KIAA0753: variants seen among roughly 807,000 people sequenced by gnomAD.
The protein encoded by KIAA0753 is protein moonraker.
Under a neutral mutation model 116.9 loss-of-function variants are expected in KIAA0753, and 114 were observed. The observed-to-expected ratio is 0.98, with a 90% confidence interval of 0.84 to 1.14. KIAA0753 has a LOEUF of 1.14. Ranked by LOEUF, KIAA0753 falls within the 50% of genes most tolerant of loss-of-function variation. The probability of loss-of-function intolerance (pLI) is 0.00; values close to 1 mark genes in which losing one functional copy is unlikely to be tolerated. For synonymous variants in KIAA0753, 405 were observed against 413.1 expected (o/e 0.98, Z 0.24); for missense variants, 1,156 against 1,172.4 (o/e 0.99, Z 0.20).
chr17:6,634,817 G>A, intron 2 of KIAA0753, 194 bp downstream of exon 2: 1 of 537,480 alleles, frequency 1.9e-6, no homozygotes, highest in South Asian at 2.3e-5. Flanking sequence ...GAAGTATCAG[G>A]TTGACTGCAA....
rs1354454095 is a variant in KIAA0753 at position 6,591,067 on chromosome 17, A to G, written c.2441-437T>C. Among the ~76,000 whole-genome samples the G allele has an allele frequency of 3.3e-3, 210 of 63,060 alleles. 9 individuals carry two copies. Among genetic ancestry groups the G allele is most frequent in the African/African-American group, 0.011 (205 of 17,942 alleles). 41.4% of individuals were successfully genotyped at this position (63,060 alleles called of 152,430 possible). A position where few individuals can be genotyped will look rare whatever the true frequency, so the allele number is the denominator to read the frequency against. On this transcript the variant is annotated intron_variant, in intron 16 of 18. Transcript: ENST00000361413. The stretch of plus-strand genomic sequence containing the variant: ...AAGAAGAAGAAGAAGAAGAAGAAGA[A>G]GAAGAAGAAGAAGAAGAAGAAGAAG...
At position 6,639,355 on chromosome 17, in the gene KIAA0753, G is replaced by C. The variant is rs1000788226; in HGVS notation, c.-69+1282C>G. The C allele has an allele frequency of 6.5e-6, 1 of 152,806 alleles. No individual in the cohort carries two copies. The highest frequency in any genetic ancestry group is 1.5e-5 in the Non-Finnish European group (1 of 68,634). 9.5% of individuals were successfully genotyped at this position (152,806 alleles called of 1,614,324 possible). ...CTCCATGGCTCTGGGCGCTCCCACA[G>C]CCCCAGTCCACCCCACGGTCCCAGG... On this transcript the variant is annotated intron_variant, in intron 1 of 18. Coordinates refer to ENST00000361413, the MANE Select transcript of KIAA0753 (RefSeq NM_014804.3). This position sits in a 1 kb window ranked among gnomAD's most constrained non-coding sequence, Gnocchi z 4.3.
At chr17:6,638,026 T>A (rs1339072937) in intron 1 of KIAA0753, 2 of 150,732 alleles carry the variant, frequency 1.3e-5, no homozygotes, top group Non-Finnish European at 1.5e-5. Flanking sequence ...AGAGTCAGTC[T>A]CCCCCCCAAG....
chr17:6,628,795 G>A (rs1031967228), intron 2 of KIAA0753, 54 bp from the exon 3 acceptor site: 35 of 1,497,130 alleles, frequency 2.3e-5, no homozygotes, highest in Middle Eastern at 1.8e-4. Context: ...ATATTGCACA[G>A]TTGGTATATG....
chr17:6,610,516 CTT>C (rs71157206), intron 8 of KIAA0753, among the ~76,000 whole-genome samples: 7 of 113,424 alleles, frequency 6.2e-5, no homozygotes, highest in Admixed American at 1.1e-4. Flanking sequence ...TTTTCTTTCT[CTT>C]TTTTTTTTTT....
At chr17:6,610,742 A>T (rs1179347997) in intron 8 of KIAA0753, among the ~76,000 whole-genome samples, 2 of 151,278 alleles carry the variant, frequency 1.3e-5, no homozygotes, top group Non-Finnish European at 2.9e-5. Context: ...CTGGTCTTGA[A>T]CTCCTGGGCT....
chr17:6,596,475 C>T (rs1364009023), intron 14 of KIAA0753, 132 bp from the exon 15 acceptor site: 1 of 670,384 alleles, frequency 1.5e-6, no homozygotes, highest in African/African-American at 1.8e-5. Flanking sequence ...ATCCAAATGG[C>T]AGAGTTTCTA....
intron 13 of KIAA0753, among the ~76,000 whole-genome samples, chr17:6,599,780 A>G (rs954562423): frequency 6.6e-6 from 1 of 152,208 alleles, no homozygotes; most frequent in Non-Finnish European, 1.5e-5. Flanking sequence ...TGGCCTGTTT[A>G]GGGACCCCGA....
At position 6,624,775 on chromosome 17, in the gene KIAA0753, G is replaced by A. The variant is rs1357074092; in HGVS notation, c.805C>T (p.Leu269Phe). 7 of 1,559,808 alleles carry A rather than the reference G, an allele frequency of 4.5e-6. No homozygotes were observed. Among genetic ancestry groups the A allele is most frequent in the Non-Finnish European group, 6.1e-6 (7 of 1,150,270 alleles). ...CACACCTGCTGCTGGAGGACGTAGA[G>A]CATTCGGGCAGAGCGAGCAGCTTGC... Reference protein sequence around the residue: ...QEQAARSARMLYVLQQQVKEI... With the variant: ...QEQAARSARMFYVLQQQVKEI... Residue 269 changes from leucine (L) to phenylalanine (F), a missense_variant, in exon 4 of 19, where the codon CTC becomes TTC. Leu to Phe is a conservative substitution (Grantham distance 22, BLOSUM62 0). Coordinates refer to ENST00000361413, the MANE Select transcript of KIAA0753 (RefSeq NM_014804.3).
At chr17:6,633,957 G>A (rs116094333) in intron 2 of KIAA0753, among the ~76,000 whole-genome samples, 1,890 of 152,054 alleles carry the variant, frequency 0.012, 49 homozygotes, top group African/African-American at 0.044. Flanking sequence ...CTTGATAGAG[G>A]TATGGGTTAC....
At chr17:6,595,085 G>T in intron 15 of KIAA0753, 32 bp from the exon 16 acceptor site, 1 of 1,446,170 alleles carries the variant, frequency 6.9e-7, no homozygotes, top group Non-Finnish European at 9.6e-7. Flanking sequence ...TTTAATTTAT[G>T]AGAAAAAATG....
At chr17:6,623,709 T>C (rs753393004) in intron 4 of KIAA0753, 138 bp from the exon 5 acceptor site, 28 of 1,259,224 alleles carry the variant, frequency 2.2e-5, no homozygotes, top group Non-Finnish European at 2.9e-5. Context: ...AAAAAAAGGC[T>C]CTTCATTCAT....
In KIAA0753 at chr17:6,611,832, G is replaced by T. The variant is rs1396814930; in HGVS notation, c.1545+87C>A. Reference sequence around the variant, plus strand: ...AGGACTGCAGCATCCAATTGCCTGAGAACTGGCTCCACCATATACCAGTTT... The same window carrying T: ...AGGACTGCAGCATCCAATTGCCTGATAACTGGCTCCACCATATACCAGTTT... On this transcript the variant is annotated intron_variant, in intron 8 of 18. Coordinates refer to ENST00000361413, the MANE Select transcript of KIAA0753 (RefSeq NM_014804.3). 7 of 1,042,970 alleles carry T rather than the reference G, an allele frequency of 6.7e-6. No homozygotes were observed. The East Asian group carries it at 1.7e-4, about 25-fold the overall frequency. The allele number at this position is 1,042,970 out of a possible 1,614,324, so 64.6% of individuals were successfully genotyped here.
chr17:6,583,875 T>A lies in KIAA0753; in HGVS notation c.2787-4011A>T, dbSNP rs114427409. 3.1e-3 allele frequency among the ~76,000 whole-genome samples: 466 copies of A among 152,334 alleles called. 5 individuals are homozygous for A. The highest frequency in any genetic ancestry group is 0.011 in the African/African-American group (452 of 41,574). Reference sequence around the variant, plus strand: ...TGTTGCCTGGTTATTTTTCACCATATACTAGACAATGTATTCAACAGTCGT... The same window carrying A: ...TGTTGCCTGGTTATTTTTCACCATAAACTAGACAATGTATTCAACAGTCGT... On this transcript the variant is annotated intron_variant, in intron 18 of 18. Transcript: ENST00000361413.
At chr17:6,627,847 C>G (rs1042137756) in intron 3 of KIAA0753, among the ~76,000 whole-genome samples, 1 of 152,318 alleles carries the variant, frequency 6.6e-6, no homozygotes, top group South Asian at 2.1e-4. Flanking sequence ...AATGCCACCT[C>G]GTAGGCTGGG....
chr17:6,590,383 G>C, intron 17 of KIAA0753, 127 bp downstream of exon 17: 1 of 1,090,570 alleles, frequency 9.2e-7, no homozygotes, highest in Non-Finnish European at 1.3e-6. Context: ...AGCCATCTTG[G>C]AGTTTGGCAA....
At chr17:6,624,233 G>A (rs2150892694) in intron 4 of KIAA0753, among the ~76,000 whole-genome samples, 1 of 152,254 alleles carries the variant, frequency 6.6e-6, no homozygotes, top group South Asian at 2.1e-4. Flanking sequence ...CGCTACTAAA[G>A]ATGTCCTCAA....
intron 2 of KIAA0753, 50 bp from the exon 3 acceptor site, chr17:6,628,791 C>T (rs1971847417): frequency 6.6e-7 from 1 of 1,521,070 alleles, no homozygotes; most frequent in Admixed American, 2.1e-5. Context: ...TTTCATATTG[C>T]ACAGTTGGTA....
intron 10 of KIAA0753, among the ~76,000 whole-genome samples, chr17:6,607,530 G>C (rs191932654): frequency 1.3e-5 from 2 of 152,168 alleles, no homozygotes; most frequent in African/African-American, 4.8e-5. Flanking sequence ...CTCAGACTTG[G>C]GGTTTCTTAT....
Sources: gnomAD v4.1 joint callset for allele counts (sites outside exome capture counted in the v4.1 genomes callset) on GRCh38, gnomAD v4.1.1 for gene constraint, Gnocchi (gnomAD v3.1) non-coding constraint, MANE v1.5 for transcripts, NCBI Gene and HGNC (gene_info 2026-07-23, HGNC 2026-07-21) for gene names.